Variants in KCNIP4 observed in about 807,000 individuals in gnomAD.
KCNIP4 encodes potassium voltage-gated channel interacting protein 4.
KCNIP4 carries 12 observed loss-of-function variants against 34.0 expected under a neutral mutation model. The ratio of observed to expected loss-of-function variants is 0.35; its 90% CI spans 0.23 to 0.57. The LOEUF is 0.57. KCNIP4 is among the 20% of genes least tolerant of loss of function. The probability of loss-of-function intolerance (pLI) is 0.83; values close to 1 mark genes in which losing one functional copy is unlikely to be tolerated. For synonymous variants in KCNIP4, 124 were observed against 102.2 expected (o/e 1.21, Z -1.29); for missense variants, 238 against 311.7 (o/e 0.76, Z 1.78).
At chr4:21,517,397 G>A (rs893455127) in intron 1 of KCNIP4, among the ~76,000 whole-genome samples, 16 of 152,044 alleles carry the variant, frequency 1.1e-4, no homozygotes, top group African/African-American at 3.9e-4. Flanking sequence ...AATGTGATTG[G>A]GAATTTCAAC....
In KCNIP4 at chr4:21,891,120, T is replaced by C. The variant is rs6852314; in HGVS notation, c.61+57451A>G. On this transcript the variant is annotated intron_variant, in intron 1 of 8. Transcript: ENST00000382152. ...TCCTCATATATAAGGAATGAATCCC[T>C]GGGTTGAACACTCTTGCATTTCTTA... Among the ~76,000 whole-genome samples, 926 of 152,212 alleles carry C rather than the reference T, an allele frequency of 6.1e-3. 10 individuals carry two copies. The highest frequency in any genetic ancestry group is 0.02 in the African/African-American group (819 of 41,548).
intron 2 of KCNIP4, among the ~76,000 whole-genome samples, chr4:20,853,020 G>T (rs1283076079): frequency 1.3e-5 from 2 of 152,162 alleles, no homozygotes; most frequent in Non-Finnish European, 1.5e-5. Context: ...TAGAATCATG[G>T]ATGGGTAGAA....
At chr4:21,896,679 G>A (rs1282919918) in intron 1 of KCNIP4, among the ~76,000 whole-genome samples, 1 of 152,110 alleles carries the variant, frequency 6.6e-6, no homozygotes, top group African/African-American at 2.4e-5. Flanking sequence ...AGCACTTTGG[G>A]AGGCCGAGGC....
intron 1 of KCNIP4, among the ~76,000 whole-genome samples, chr4:21,935,883 C>T (rs1033662149): frequency 2.0e-5 from 3 of 151,494 alleles, no homozygotes; most frequent in Non-Finnish European, 2.9e-5. Flanking sequence ...TTCAGTGATT[C>T]GCAACTTAAC....
chr4:21,465,718 G>A (rs902846575), intron 1 of KCNIP4, among the ~76,000 whole-genome samples: 2 of 151,916 alleles, frequency 1.3e-5, no homozygotes, highest in Admixed American at 6.6e-5. Context: ...GAATTGTAGT[G>A]AGGGTTAAAT....
At chr4:21,796,676 A>G (rs914698878) in intron 1 of KCNIP4, among the ~76,000 whole-genome samples, 1 of 152,334 alleles carries the variant, frequency 6.6e-6, no homozygotes, top group Non-Finnish European at 1.5e-5. Flanking sequence ...TTTTGGAATG[A>G]CACATCTATG....
intron 1 of KCNIP4, among the ~76,000 whole-genome samples, chr4:21,437,742 C>T (rs1436336749): frequency 6.6e-6 from 1 of 152,160 alleles, no homozygotes; most frequent in Non-Finnish European, 1.5e-5. Flanking sequence ...TAAAGAAACC[C>T]TAACTTTTTT....
intron 1 of KCNIP4, among the ~76,000 whole-genome samples, chr4:21,869,445 T>G (rs550046152): frequency 3.9e-5 from 6 of 152,270 alleles, no homozygotes; most frequent in Admixed American, 1.3e-4. Flanking sequence ...CCTTCCTGTC[T>G]TCAAGGTTTT....
At chr4:20,805,038 T>C (rs189629478) in intron 3 of KCNIP4, among the ~76,000 whole-genome samples, 24 of 152,246 alleles carry the variant, frequency 1.6e-4, no homozygotes, top group East Asian at 9.7e-4. Flanking sequence ...TTTGGGTCTG[T>C]ATCCCACATG....
intron 1 of KCNIP4, among the ~76,000 whole-genome samples, chr4:21,177,877 T>TATATATATATATATATATATA (rs1338439962): frequency 4.8e-5 from 7 of 146,348 alleles, no homozygotes; most frequent in African/African-American, 1.8e-4. Context: ...TATATATATA[T>TATATATATATATATATATATA]AAAATATAAC....
chr4:21,657,295 G>A (rs537734757), intron 1 of KCNIP4, among the ~76,000 whole-genome samples: 7 of 152,040 alleles, frequency 4.6e-5, no homozygotes, highest in South Asian at 2.1e-4. Context: ...AGTGTGTTGC[G>A]TCTGTTGGCT....
At chr4:21,668,621 T>C (rs1749216002) in intron 1 of KCNIP4, among the ~76,000 whole-genome samples, 1 of 152,158 alleles carries the variant, frequency 6.6e-6, no homozygotes, top group Admixed American at 6.6e-5. Flanking sequence ...TACAAGAAGA[T>C]AACAATATGC....
chr4:21,004,956 G>A (rs1182053863), intron 1 of KCNIP4, among the ~76,000 whole-genome samples: 1 of 152,084 alleles, frequency 6.6e-6, no homozygotes, highest in Non-Finnish European at 1.5e-5. Context: ...AGAAGTGAAT[G>A]TAGGGAGAGA....
chr4:20,777,725 T>C lies in KCNIP4; in HGVS notation c.289-18835A>G, dbSNP rs983128949. Among the ~76,000 whole-genome samples, 4 of 152,162 alleles carry C rather than the reference T, an allele frequency of 2.6e-5. No individual in the cohort carries two copies. The East Asian group carries it at 7.7e-4, about 29-fold the overall frequency. On this transcript the variant is annotated intron_variant, in intron 3 of 8. Coordinates refer to ENST00000382152, the MANE Select transcript of KCNIP4 (RefSeq NM_025221.6). ...ACAGAGAAAAAGTGGAGGTTGTAGA[T>C]TGCAGAGATGAATTAGTGTAGTTTA...
chr4:21,494,590 T>C (rs919260430), intron 1 of KCNIP4, among the ~76,000 whole-genome samples: 3 of 151,884 alleles, frequency 2.0e-5, no homozygotes, highest in African/African-American at 7.3e-5. Flanking sequence ...TTGGCCAACA[T>C]AGTGAAACCC....
At chr4:21,816,509 T>A (rs1386747984) in intron 1 of KCNIP4, among the ~76,000 whole-genome samples, 1 of 152,106 alleles carries the variant, frequency 6.6e-6, no homozygotes, top group Non-Finnish European at 1.5e-5. Context: ...TCAAAGAGCT[T>A]TAGCGTTTCA....
At chr4:20,947,084 G>C (rs530014317) in intron 1 of KCNIP4, among the ~76,000 whole-genome samples, 202 of 152,192 alleles carry the variant, frequency 1.3e-3, no homozygotes, top group Non-Finnish European at 2.4e-3. Flanking sequence ...TAGTCTTGAG[G>C]GATCAGTGCA....
intron 1 of KCNIP4, among the ~76,000 whole-genome samples, chr4:20,964,983 A>G (rs184320058): frequency 2.6e-5 from 4 of 152,290 alleles, no homozygotes; most frequent in Admixed American, 1.3e-4. Flanking sequence ...TTAGTTGCTT[A>G]CTTTCTTTCA....
At chr4:20,831,299 T>C (rs1718401110) in intron 3 of KCNIP4, among the ~76,000 whole-genome samples, 1 of 152,066 alleles carries the variant, frequency 6.6e-6, no homozygotes, top group Non-Finnish European at 1.5e-5. Context: ...CCAGGGAGGC[T>C]TTTCAAGGTA....
Sources: allele counts gnomAD v4.1 joint callset (sites outside exome capture counted in the v4.1 genomes callset), GRCh38; gene constraint gnomAD v4.1.1; transcripts MANE v1.5; gene names NCBI Gene and HGNC (gene_info 2026-07-23, HGNC 2026-07-21).